Variants in CACNA1C observed in about 807,000 individuals in gnomAD.
CACNA1C encodes calcium voltage-gated channel subunit alpha1 C, also known as voltage-dependent L-type calcium channel subunit alpha-1C.
CACNA1C carries 30 observed loss-of-function variants against 229.0 expected under a neutral mutation model. That is an observed-to-expected ratio of 0.13 (90% confidence interval 0.10 to 0.18). The LOEUF is 0.18. Among genes scored for constraint, CACNA1C ranks in the 10% least tolerant of loss-of-function variants. The probability of loss-of-function intolerance (pLI) is 1.00; values close to 1 mark genes in which losing one functional copy is unlikely to be tolerated. For synonymous variants in CACNA1C, 1,114 were observed against 1,132.5 expected, an observed-to-expected ratio of 0.98 and a Z score of 0.33; for missense variants, 1,658 against 2,845.0, an observed-to-expected ratio of 0.58 and a Z score of 9.49.
chr12:2,290,606 G>A (rs2093382207), intron 3 of CACNA1C, among the ~76,000 whole-genome samples: 2 of 152,298 alleles, frequency 1.3e-5, no homozygotes, highest in African/African-American at 2.4e-5. Context: ...CAGTGGAAAC[G>A]TGATTAATTG....
chr12:1,986,156 T>C (rs1284780944), intron 1 of CACNA1C, among the ~76,000 whole-genome samples: 2 of 152,248 alleles, frequency 1.3e-5, no homozygotes, highest in East Asian at 1.9e-4. Flanking sequence ...CCTATACATA[T>C]ACTAGTCTGA....
chr12:2,690,789 C>A, intron 46 of CACNA1C, 111 bp from the exon 47 acceptor site: 1 of 1,091,642 alleles, frequency 9.2e-7, no homozygotes, highest in Non-Finnish European at 1.3e-6. Context: ...CACACGCACA[C>A]TTCCCCAAGT....
At chr12:2,398,840 C>G (rs1275011796) in intron 3 of CACNA1C, among the ~76,000 whole-genome samples, 1 of 152,124 alleles carries the variant, frequency 6.6e-6, no homozygotes, top group African/African-American at 2.4e-5. Context: ...ACCTGGGGAC[C>G]TCAGGACAGG....
At chr12:2,264,902 C>T (rs1475962153) in intron 3 of CACNA1C, among the ~76,000 whole-genome samples, 1 of 152,232 alleles carries the variant, frequency 6.6e-6, no homozygotes, top group Non-Finnish European at 1.5e-5. Flanking sequence ...GAGCTGTTTG[C>T]TCTGGCTTGC....
Position 2,666,231 on chromosome 12 carries a change from T to C in CACNA1C, c.4527-455T>C, listed in dbSNP as rs1232531121. On this transcript the variant is annotated intron_variant, in intron 36 of 46. Transcript: ENST00000399655. This position sits in a 1 kb window ranked among gnomAD's most constrained non-coding sequence, Gnocchi z 5.3. ...AATATATCTACTATATTCAGTTGAATGGAAGGATAGGAAATTCTAGTATCA... is the reference window on the plus strand; with the variant it reads ...AATATATCTACTATATTCAGTTGAACGGAAGGATAGGAAATTCTAGTATCA... Among the ~76,000 whole-genome samples the C allele has an allele frequency of 6.6e-6, 1 of 152,130 alleles. No homozygotes were observed. The highest frequency in any genetic ancestry group is 1.5e-5 in the Non-Finnish European group (1 of 68,026).
chr12:2,592,865 T>G (rs2066067898), intron 18 of CACNA1C, among the ~76,000 whole-genome samples: 1 of 152,194 alleles, frequency 6.6e-6, no homozygotes, highest in Non-Finnish European at 1.5e-5. Context: ...CACCTGGCAG[T>G]GCCCTGTCCT....
At chr12:2,282,092 T>C (rs192779624) in intron 3 of CACNA1C, among the ~76,000 whole-genome samples, 7 of 152,282 alleles carry the variant, frequency 4.6e-5, no homozygotes, top group African/African-American at 1.7e-4. Flanking sequence ...TTCCTTCCTT[T>C]AGAAGAACCT....
At chr12:2,217,252 G>A (rs2060217275) in intron 3 of CACNA1C, among the ~76,000 whole-genome samples, 2 of 152,184 alleles carry the variant, frequency 1.3e-5, no homozygotes, top group African/African-American at 4.8e-5. Flanking sequence ...AGGGGCTGGT[G>A]CAGGGGGAAG....
intron 3 of CACNA1C, among the ~76,000 whole-genome samples, chr12:2,156,302 T>C (rs1325009227): frequency 6.6e-6 from 1 of 152,144 alleles, no homozygotes; most frequent in Non-Finnish European, 1.5e-5. Context: ...TAAATAAAAA[T>C]AGAATAAAGT....
chr12:2,246,442 C>G (rs915987825), intron 3 of CACNA1C, among the ~76,000 whole-genome samples: 2 of 152,106 alleles, frequency 1.3e-5, no homozygotes, highest in African/African-American at 2.4e-5. Flanking sequence ...TTTCCTTATC[C>G]CACTGAGCCA....
In CACNA1C at chr12:2,696,928, A is replaced by T. The variant is rs1360604944; in HGVS notation, c.*5729A>T. The T allele has an allele frequency of 6.6e-6, 1 of 152,200 alleles. No individual in the cohort carries two copies. The highest frequency in any genetic ancestry group is 1.9e-4 in the East Asian group (1 of 5,190). 9.4% of individuals were successfully genotyped at this position (152,200 alleles called of 1,614,324 possible). ...TCCTGTAGAGTCACAAGAGAAGCAAAAGAGGGTGGGTCACTGGGTCCTGGA... is the reference window on the plus strand; with the variant it reads ...TCCTGTAGAGTCACAAGAGAAGCAATAGAGGGTGGGTCACTGGGTCCTGGA... On this transcript the variant is annotated 3_prime_UTR_variant, in exon 47 of 47. Transcript: ENST00000399655.
chr12:2,420,586 C>T (rs1157702152), intron 3 of CACNA1C, among the ~76,000 whole-genome samples: 2 of 152,300 alleles, frequency 1.3e-5, no homozygotes, highest in African/African-American at 4.8e-5. Flanking sequence ...TTGCATCCTC[C>T]AAGTGAAGAA....
chr12:2,580,730 C>A (rs1387535438), intron 13 of CACNA1C, among the ~76,000 whole-genome samples: 1 of 152,154 alleles, frequency 6.6e-6, no homozygotes, highest in Non-Finnish European at 1.5e-5. Context: ...GGAGTGGGGA[C>A]CTCCTCCCCA....
chr12:2,447,692 G>A (rs140417776), intron 3 of CACNA1C, among the ~76,000 whole-genome samples: 122 of 152,330 alleles, frequency 8.0e-4, no homozygotes, highest in African/African-American at 2.8e-3. Context: ...CCCTGCTCCC[G>A]ATGGCCCTGC....
At chr12:2,420,306 A>G (rs975602917) in intron 3 of CACNA1C, among the ~76,000 whole-genome samples, 1 of 152,052 alleles carries the variant, frequency 6.6e-6, no homozygotes, top group Non-Finnish European at 1.5e-5. Flanking sequence ...AATTCATATG[A>G]GAGATTGGAC....
chr12:2,484,498 G>T (rs1453835051), intron 5 of CACNA1C, among the ~76,000 whole-genome samples: 5 of 152,204 alleles, frequency 3.3e-5, no homozygotes, highest in African/African-American at 1.2e-4. Context: ...CAAAGTTCCA[G>T]CAGGCCTGAG....
chr12:2,499,317 G>C (rs1004207), intron 7 of CACNA1C, among the ~76,000 whole-genome samples: 1 of 152,028 alleles, frequency 6.6e-6, no homozygotes, highest in South Asian at 2.1e-4. Context: ...CCTGCCTTTC[G>C]ATGGCAGGTG....
At chr12:2,262,651 C>T (rs2080742930) in intron 3 of CACNA1C, among the ~76,000 whole-genome samples, 1 of 152,072 alleles carries the variant, frequency 6.6e-6, no homozygotes, top group Non-Finnish European at 1.5e-5. Flanking sequence ...CAGGAGGCAT[C>T]CAGGAGCCAG....
In CACNA1C at chr12:2,471,714, G is replaced by A. The variant is rs149456217; in HGVS notation, c.757+14008G>A. Among the ~76,000 whole-genome samples, 1,105 of 151,488 alleles carry A rather than the reference G, an allele frequency of 7.3e-3. 8 individuals carry two copies. The highest frequency in any genetic ancestry group is 0.024 in the African/African-American group (994 of 41,270). On this transcript the variant is annotated intron_variant, in intron 5 of 46. Coordinates refer to ENST00000399655, the MANE Select transcript of CACNA1C (RefSeq NM_000719.7). ...TTTTTTCTTTCTGAGACGGAGTCTC[G>A]CTCTGTCGCCCAGACTGGAGTGCAG...
Sources: gnomAD v4.1 joint callset for allele counts (sites outside exome capture counted in the v4.1 genomes callset) on GRCh38, gnomAD v4.1.1 for gene constraint, Gnocchi (gnomAD v3.1) non-coding constraint, MANE v1.5 for transcripts, NCBI Gene and HGNC (gene_info 2026-07-23, HGNC 2026-07-21) for gene names.